ZNF577: variants seen among roughly 807,000 people sequenced by gnomAD.
The protein encoded by ZNF577 is zinc finger protein 577.
A neutral mutation model predicts 13.9 loss-of-function variants in ZNF577; 14 were observed. That is an observed-to-expected ratio of 1.00 (90% CI 0.66 to 1.57). The LOEUF (loss-of-function observed/expected upper bound fraction) is 1.57. ZNF577 is among the 40% of genes most tolerant of loss of function. The pLI, the probability that ZNF577 is intolerant of heterozygous loss-of-function variation, is 0.00. For missense variants in ZNF577, 555 were observed against 579.2 expected, an observed-to-expected ratio of 0.96 and a Z score of 0.43; for synonymous variants, 203 against 202.9, an observed-to-expected ratio of 1.00 and a Z score of 0.00.
Position 51,823,977 on chromosome 19 carries a change from A to G in ZNF577, c.*600-12303T>C, listed in dbSNP as rs761856901. 1.4e-5 allele frequency: 22 copies of G among 1,613,948 alleles called. No homozygotes were observed. In the Admixed American group the frequency reaches 3.5e-4, roughly 26 times the overall value. On this transcript the variant is annotated intron_variant and NMD_transcript_variant, in intron 9 of 10. Transcript: ENST00000638827. ...CCTAGCTGACTTCTCTTTCAGTGCC[A>G]TCCTACCATTCCGAATGGTCTCAGT...
rs918071318 is a variant in ZNF577, at chr19:51,871,101, T to C, written c.*1431A>G. ...CCGTACTCATAATGAAGTATGTTAG[T>C]TTCTTTTCCCCCCTTTTTTAGAGTC... On this transcript the variant is annotated 3_prime_UTR_variant, in exon 6 of 6. Transcript: ENST00000638348. 8.5e-5 allele frequency among the ~76,000 whole-genome samples: 13 copies of C among 152,198 alleles called. No individual in the cohort carries two copies. Among genetic ancestry groups the C allele is most frequent in the African/African-American group, 3.1e-4 (13 of 41,554 alleles).
chr19:51,832,068 C>T (rs1227542758), intron 9 of ZNF577, among the ~76,000 whole-genome samples: 1 of 152,126 alleles, frequency 6.6e-6, no homozygotes, highest in Non-Finnish European at 1.5e-5. Context: ...AGCTTTTTGT[C>T]AATCACAAAA....
At chr19:51,856,858 T>C (rs1311101921) in intron 5 of ZNF577, among the ~76,000 whole-genome samples, 1 of 152,122 alleles carries the variant, frequency 6.6e-6, no homozygotes, top group East Asian at 1.9e-4. Context: ...ATAGAACTGA[T>C]AAAGTAAAAC....
chr19:51,832,911 T>C (rs1297272191), intron 9 of ZNF577, among the ~76,000 whole-genome samples: 1 of 152,242 alleles, frequency 6.6e-6, no homozygotes, highest in Non-Finnish European at 1.5e-5. Flanking sequence ...AATATCACAC[T>C]GTCTTGATAA....
At chr19:51,833,901 G>A (rs10406893) in intron 9 of ZNF577, among the ~76,000 whole-genome samples, 64,274 of 151,804 alleles carry the variant, frequency 0.42, 13,740 homozygotes, top group South Asian at 0.58. Flanking sequence ...AATTGTACAT[G>A]TTTAAGGGAT....
rs572754033 is a variant in ZNF577 at position 51,867,771 on chromosome 19, C to G, written c.*4761G>C. ...CTGCACTCCAGCCTGGGCAAAAGAG[C>G]GAAACTCCATCTCAAATAAACAAAA... On this transcript the variant is annotated 3_prime_UTR_variant, in exon 6 of 6. Transcript: ENST00000638348. Among the ~76,000 whole-genome samples the G allele has an allele frequency of 2.0e-5, 3 of 151,900 alleles. No individual in the cohort carries two copies. The highest frequency in any genetic ancestry group is 4.8e-5 in the African/African-American group (2 of 41,342).
Position 51,873,726 on chromosome 19 carries a change from T to A in ZNF577, c.284-20A>T. On this transcript the variant is annotated intron_variant, in intron 5 of 5. Transcript: ENST00000638348. Reference sequence around the variant, plus strand: ...CAAAACCTAAATGAGATTTCAAACTTTTACAATGCGAGCCAAACTTATTGT... The same window carrying A: ...CAAAACCTAAATGAGATTTCAAACTATTACAATGCGAGCCAAACTTATTGT... 1.3e-6 allele frequency: 2 copies of A among 1,562,224 alleles called. No homozygotes were observed. The highest frequency in any genetic ancestry group is 8.7e-7 in the Non-Finnish European group (1 of 1,149,238).
rs76437399 is a variant in ZNF577 at position 51,846,829 on chromosome 19, G to C, written c.284-1898C>G. ...CATCCCACACTGGCACTGTGATCACGGACTTCCAGCTTCCAGAACTATAAG... is the reference window on the plus strand; with the variant it reads ...CATCCCACACTGGCACTGTGATCACCGACTTCCAGCTTCCAGAACTATAAG... On this transcript the variant is annotated intron_variant and NMD_transcript_variant, in intron 5 of 10. Transcript: ENST00000638827. 2.0e-4 allele frequency among the ~76,000 whole-genome samples: 31 copies of C among 152,208 alleles called. No individual in the cohort carries two copies. In the East Asian group the frequency reaches 5.8e-3, roughly 28 times the overall value.
intron 9 of ZNF577, among the ~76,000 whole-genome samples, chr19:51,832,053 G>A (rs1003858997): frequency 6.6e-6 from 1 of 152,150 alleles, no homozygotes; most frequent in East Asian, 1.9e-4. Flanking sequence ...CATAGCACTT[G>A]TTGTAGCTTT....
intron 4 of ZNF577, chr19:51,877,582 A>G: frequency 2.5e-6 from 1 of 408,026 alleles, no homozygotes; most frequent in Non-Finnish European, 4.4e-6. Context: ...GGCTACTATC[A>G]AAAAAACAAA....
chr19:51,853,661 G>T (rs900872819), intron 5 of ZNF577, among the ~76,000 whole-genome samples: 2 of 152,130 alleles, frequency 1.3e-5, no homozygotes, highest in Admixed American at 6.5e-5. Flanking sequence ...GATAATGAAG[G>T]CTCTGTTGCT....
At chr19:51,854,087 C>T (rs2084394558) in intron 5 of ZNF577, among the ~76,000 whole-genome samples, 1 of 152,058 alleles carries the variant, frequency 6.6e-6, no homozygotes, top group African/African-American at 2.4e-5. Context: ...ATAATAAAAA[C>T]CTTGAGAAAA....
downstream of ZNF577, chr19:51,862,156 A>G (rs2084510414): frequency 6.6e-6 from 1 of 152,264 alleles, no homozygotes; most frequent in South Asian, 2.1e-4. Context: ...TTTATTTCCT[A>G]TATGAGTTCT....
At chr19:51,885,634 C>T (rs2084933617) in intron 1 of ZNF577, among the ~76,000 whole-genome samples, 1 of 152,124 alleles carries the variant, frequency 6.6e-6, no homozygotes. Context: ...GTCTCATCCT[C>T]CTGAGTAGCT....
At chr19:51,826,408 C>G (rs928310120) in intron 9 of ZNF577, among the ~76,000 whole-genome samples, 4 of 152,154 alleles carry the variant, frequency 2.6e-5, no homozygotes, top group African/African-American at 9.7e-5. Flanking sequence ...GCTAGTGAAG[C>G]CAACTGGATC....
At chr19:51,853,707 G>A (rs1406450500) in intron 5 of ZNF577, among the ~76,000 whole-genome samples, 1 of 152,104 alleles carries the variant, frequency 6.6e-6, no homozygotes, top group Non-Finnish European at 1.5e-5. Context: ...TGAGCTTCTT[G>A]GCTTCCTTGA....
intron 8 of ZNF577, among the ~76,000 whole-genome samples, chr19:51,842,647 A>T (rs1599849432): frequency 6.6e-6 from 1 of 152,336 alleles, no homozygotes; most frequent in South Asian, 2.1e-4. Flanking sequence ...TATGACAGAT[A>T]GTAAGAGGAG....
intron 1 of ZNF577, among the ~76,000 whole-genome samples, chr19:51,882,669 A>T (rs2084880514): frequency 6.6e-6 from 1 of 152,112 alleles, no homozygotes; most frequent in Non-Finnish European, 1.5e-5. Flanking sequence ...ATGTAGTCCC[A>T]GGTACTTAGG....
chr19:51,811,590 C>T (rs1212314938), exon 10 of ZNF577: 2 of 152,312 alleles, frequency 1.3e-5, no homozygotes, highest in Non-Finnish European at 2.9e-5. Flanking sequence ...TTCAGACTGT[C>T]GCCTGTTTGA....
Sources: gnomAD v4.1 joint callset for allele counts (sites outside exome capture counted in the v4.1 genomes callset) on GRCh38, gnomAD v4.1.1 for gene constraint, MANE v1.5 for transcripts, NCBI Gene and HGNC (gene_info 2026-07-23, HGNC 2026-07-21) for gene names.